The following RRM1 variants were observed in gnomAD, a reference collection of about 807,000 sequenced individuals.
RRM1 encodes ribonucleotide reductase catalytic subunit M1.
In RRM1, 19 loss-of-function variants were observed where a neutral mutation model predicts 101.5. The observed-to-expected ratio is 0.19, with a 90% CI of 0.13 to 0.27. The LOEUF is 0.27. Ranked by LOEUF, RRM1 falls within the 10% of genes least tolerant of loss-of-function variation. The pLI is 1.00. For synonymous variants in RRM1, 298 were observed against 323.4 expected (o/e 0.92, Z 0.84); for missense variants, 500 against 962.9 (o/e 0.52, Z 6.36).
chr11:4,105,843 G>C (rs576302027), intron 2 of RRM1, among the ~76,000 whole-genome samples: 207 of 151,788 alleles, frequency 1.4e-3, no homozygotes, highest in Non-Finnish European at 2.4e-3. Flanking sequence ...GTGATTATGG[G>C]TGTGAGCCAC....
Position 4,132,959 on chromosome 11 carries a change from T to G in RRM1, c.1905+538T>G, listed in dbSNP as rs189847350. Among the ~76,000 whole-genome samples, 633 of 152,330 alleles carry G rather than the reference T, an allele frequency of 4.2e-3. 5 individuals are homozygous for G. Among genetic ancestry groups the G allele is most frequent in the African/African-American group, 0.014 (602 of 41,566 alleles). On this transcript the variant is annotated intron_variant, in intron 16 of 18. Coordinates refer to ENST00000300738, the MANE Select transcript of RRM1 (RefSeq NM_001033.5). This position sits in a 1 kb window ranked among gnomAD's most constrained non-coding sequence, Gnocchi z 4.1. The stretch of plus-strand genomic sequence containing the variant: ...CTGTAAAGTTCGAGAAGGATACGTT[T>G]CCAATTTTTTTAACCTAAGTATTTA...
intron 2 of RRM1, chr11:4,105,522 T>G (rs755064108): frequency 6.9e-5 from 27 of 391,154 alleles, no homozygotes; most frequent in Non-Finnish European, 1.2e-4. Context: ...TGAGCCACTG[T>G]GCCCAACCTG....
At chr11:4,103,513 G>A (rs1225535720) in intron 2 of RRM1, among the ~76,000 whole-genome samples, 2 of 152,180 alleles carry the variant, frequency 1.3e-5, no homozygotes, top group East Asian at 3.8e-4. Flanking sequence ...ACATTTTAGA[G>A]CGCAAGAATG....
At chr11:4,133,980 ATTT>A (rs34715101) in intron 17 of RRM1, among the ~76,000 whole-genome samples, 2 of 90,864 alleles carry the variant, frequency 2.2e-5, no homozygotes, top group East Asian at 3.4e-4. Context: ...CCAGACATCA[ATTT>A]TTTTTTTTTT....
chr11:4,116,633 G>A (rs1455958568), intron 7 of RRM1, among the ~76,000 whole-genome samples: 1 of 152,050 alleles, frequency 6.6e-6, no homozygotes, highest in African/African-American at 2.4e-5. Flanking sequence ...ACAAGTTTCA[G>A]ACTGGGAGAA....
intron 7 of RRM1, 146 bp from the exon 8 acceptor site, chr11:4,118,174 G>A: frequency 1.3e-6 from 1 of 754,238 alleles, no homozygotes; most frequent in South Asian, 1.9e-5. Context: ...CAGTAAAGTG[G>A]GTTTTCTTCT....
chr11:4,125,126 G>A (rs913567690), intron 12 of RRM1, among the ~76,000 whole-genome samples: 2 of 151,876 alleles, frequency 1.3e-5, no homozygotes, highest in Non-Finnish European at 2.9e-5. Context: ...TGTTGGCCAG[G>A]ATGGTCTCAA....
chr11:4,106,379 G>A (rs55680570), intron 3 of RRM1, 156 bp downstream of exon 3: 19,991 of 641,806 alleles, frequency 0.031, 956 homozygotes, highest in East Asian at 0.16. Context: ...CAGGCAAATC[G>A]CTTGAGTCCA....
chr11:4,125,947 CTT>C (rs2094588800), intron 12 of RRM1, among the ~76,000 whole-genome samples: 1 of 152,204 alleles, frequency 6.6e-6, no homozygotes, highest in Non-Finnish European at 1.5e-5. Flanking sequence ...GAAGTTAAGA[CTT>C]TGGCTTGGGA....
rs374392005 is a variant in RRM1 at position 4,118,359 on chromosome 11, C to A, written c.690C>A (p.Gly230=). The change falls in exon 8 of 19, where the codon GGC becomes GGA. Residue 230 remains glycine, a synonymous_variant. Transcript: ENST00000300738. ...GTATGAAAGATGACAGCATTGAAGG[C>A]ATTTATGACACTCTAAAGCAATGTG... The part of the protein sequence containing the change: ...LLSMKDDSIE[G]IYDTLKQCAL... 8 of 1,613,636 alleles carry A rather than the reference C, an allele frequency of 5.0e-6. No homozygotes were observed. Among genetic ancestry groups the A allele is most frequent in the Middle Eastern group, 3.3e-4 (2 of 6,084 alleles).
rs1186461790 is a variant in RRM1 at position 4,107,540 on chromosome 11, G to GTA, written c.387+8_387+9dup. 6.3e-7 allele frequency: 1 copy of GTA among 1,585,702 alleles called. No individual in the cohort carries two copies. The highest frequency in any genetic ancestry group is 8.6e-7 in the Non-Finnish European group (1 of 1,157,446). ...ATTGTTCTGGCCAATAAAGATGTAT[G>GTA]TATAACACTTATCTGGTGGAAATTT... On this transcript the variant is annotated splice_donor_region_variant and intron_variant, in intron 4 of 18. Coordinates refer to ENST00000300738, the MANE Select transcript of RRM1 (RefSeq NM_001033.5).
chr11:4,132,177 C>T lies in RRM1; in HGVS notation c.1770-109C>T, dbSNP rs4910890. 361,007 of 1,090,660 alleles carry T rather than the reference C, an allele frequency of 0.33. 64,040 individuals carry two copies. Among genetic ancestry groups the T allele is most frequent in the South Asian group, 0.47 (33,087 of 70,290 alleles). The allele number at this position is 1,090,660 out of a possible 1,614,324, so 67.6% of individuals were successfully genotyped here. ...TGAGTTCAATGCATGTACGATGTTA[C>T]ATTTACATTTACTACATTTATCTAC... On this transcript the variant is annotated intron_variant, in intron 15 of 18. Coordinates refer to ENST00000300738, the MANE Select transcript of RRM1 (RefSeq NM_001033.5). The surrounding 1 kb of genome is among the most constrained non-coding windows in gnomAD (Gnocchi z 4.1).
rs1014641979 is a variant in RRM1 at position 4,101,493 on chromosome 11, T to C, written c.20-500T>C. On this transcript the variant is annotated intron_variant, in intron 1 of 18. Transcript: ENST00000300738. ...ATGCCCAGCTAATTTTTTGTATTTT[T>C]AGTAGAGACGGGGTTTCACCATATT... Among the ~76,000 whole-genome samples, 7 of 147,226 alleles carry C rather than the reference T, an allele frequency of 4.8e-5. 1 individual carries two copies. The South Asian group carries it at 1.5e-3, about 31-fold the overall frequency.
intron 16 of RRM1, among the ~76,000 whole-genome samples, 162 bp from the exon 17 acceptor site, chr11:4,133,401 T>A (rs1013817863): frequency 1.3e-5 from 2 of 152,230 alleles, no homozygotes; most frequent in African/African-American, 4.8e-5. Context: ...ATAGCTTTCG[T>A]GTGGTGGCAT....
At position 4,132,176 on chromosome 11, in the gene RRM1, A is replaced by G; in HGVS notation, c.1770-110A>G. Reference sequence around the variant, plus strand: ...GTGAGTTCAATGCATGTACGATGTTACATTTACATTTACTACATTTATCTA... The same window carrying G: ...GTGAGTTCAATGCATGTACGATGTTGCATTTACATTTACTACATTTATCTA... On this transcript the variant is annotated intron_variant, in intron 15 of 18. Coordinates refer to ENST00000300738, the MANE Select transcript of RRM1 (RefSeq NM_001033.5). This position sits in a 1 kb window ranked among gnomAD's most constrained non-coding sequence, Gnocchi z 4.1. 6 of 1,075,508 alleles carry G rather than the reference A, an allele frequency of 5.6e-6. No homozygotes were observed. The highest frequency in any genetic ancestry group is 8.3e-6 in the Non-Finnish European group (6 of 720,176). 66.6% of individuals were successfully genotyped at this position (1,075,508 alleles called of 1,614,324 possible).
At chr11:4,104,952 G>C (rs2094556313) in intron 2 of RRM1, among the ~76,000 whole-genome samples, 1 of 152,114 alleles carries the variant, frequency 6.6e-6, no homozygotes, top group Non-Finnish European at 1.5e-5. Context: ...TGATCACTTA[G>C]GGAGAATCTG....
intron 2 of RRM1, among the ~76,000 whole-genome samples, chr11:4,103,798 T>TTTG (rs1159378714): frequency 6.6e-6 from 1 of 150,558 alleles, no homozygotes; most frequent in African/African-American, 2.5e-5. Context: ...TTTTTTTTTT[T>TTTG]TTGTATTTTT....
intron 1 of RRM1, among the ~76,000 whole-genome samples, chr11:4,095,736 A>C (rs374411847): frequency 3.3e-5 from 5 of 152,162 alleles, no homozygotes; most frequent in Non-Finnish European, 5.9e-5. Context: ...CTTTCTCAAC[A>C]GTTCTTTTTC....
In RRM1 at chr11:4,121,971, A is replaced by G. The variant is rs68193687; in HGVS notation, c.1039-170A>G. 2,867 of 667,422 alleles carry G rather than the reference A, an allele frequency of 4.3e-3. 60 individuals carry two copies. The African/African-American group carries it at 0.047, about 11-fold the overall frequency. The allele number at this position is 667,422 out of a possible 1,614,324, so 41.3% of individuals were successfully genotyped here. A position where few individuals can be genotyped will look rare whatever the true frequency, so the allele number is the denominator to read the frequency against. On this transcript the variant is annotated intron_variant, in intron 10 of 18. Transcript: ENST00000300738. ...TTGTGACCTAAATGCTTAAAAGGTC[A>G]TGTATAAACAGGCAGACCTAGATGT...
Sources: gnomAD v4.1 joint callset for allele counts (sites outside exome capture counted in the v4.1 genomes callset) on GRCh38, gnomAD v4.1.1 for gene constraint, Gnocchi (gnomAD v3.1) non-coding constraint, MANE v1.5 for transcripts, NCBI Gene and HGNC (gene_info 2026-07-23, HGNC 2026-07-21) for gene names.